Variants in MFSD11 observed in about 807,000 individuals in gnomAD.
The protein encoded by MFSD11 is major facilitator superfamily domain containing 11, also known as UNC93-like protein MFSD11.
A neutral mutation model predicts 53.5 loss-of-function variants in MFSD11; 36 were observed. That is an observed-to-expected ratio of 0.67 (90% CI 0.52 to 0.89). MFSD11 has a LOEUF of 0.89. Ranked by LOEUF, MFSD11 falls within the 40% of genes least tolerant of loss-of-function variation. MFSD11 has a pLI of 0.00. For missense variants in MFSD11, 530 were observed against 543.9 expected (o/e 0.97, Z 0.25); for synonymous variants, 186 against 184.9 (o/e 1.01, Z -0.05).
At chr17:76,770,031 C>CTTTTTTTTTTTTTT (rs367900405) in intron 10 of MFSD11, among the ~76,000 whole-genome samples, 160 bp downstream of exon 10, 1 of 131,086 alleles carries the variant, frequency 7.6e-6, no homozygotes, top group African/African-American at 2.9e-5. Context: ...TATTCTTTTT[C>CTTTTTTTTTTTTTT]TTTTTTTTTT....
At chr17:76,745,189 A>G (rs1057433824) in intron 7 of MFSD11, among the ~76,000 whole-genome samples, 6 of 152,220 alleles carry the variant, frequency 3.9e-5, no homozygotes, top group African/African-American at 1.4e-4. Context: ...AGATTGCCTT[A>G]TAGCATTTTA....
rs56199010 is a variant in MFSD11, at chr17:76,749,718, C to T, written c.642-4329C>T. ...CATCCTGGCCAACATGGTGAAACTC[C>T]GTCTCTACTAAAAATACAAAAATTA... On this transcript the variant is annotated intron_variant, in intron 7 of 12. Transcript: ENST00000685175. Among the ~76,000 whole-genome samples the T allele has an allele frequency of 8.7e-4, 132 of 151,880 alleles. 1 individual carries two copies. Among genetic ancestry groups the T allele is most frequent in the Middle Eastern group, 3.4e-3 (1 of 292 alleles).
At chr17:76,757,604 C>T (rs575018672) in intron 8 of MFSD11, among the ~76,000 whole-genome samples, 13 of 152,180 alleles carry the variant, frequency 8.5e-5, no homozygotes, top group Middle Eastern at 3.2e-3. Context: ...TGAATTTATA[C>T]GTTTAGTGTG....
At chr17:76,759,471 T>C (rs2079981856) in intron 8 of MFSD11, among the ~76,000 whole-genome samples, 1 of 151,764 alleles carries the variant, frequency 6.6e-6, no homozygotes, top group Non-Finnish European at 1.5e-5. Context: ...TTTTCTTTTT[T>C]TGAGATGGAG....
upstream of MFSD11, chr17:76,738,056 T>A: frequency 2.3e-6 from 1 of 428,922 alleles, no homozygotes; most frequent in South Asian, 6.1e-5. Flanking sequence ...ACTTGGCCCT[T>A]TAATCCCCTT....
At chr17:76,758,422 A>T (rs1215834147) in intron 8 of MFSD11, among the ~76,000 whole-genome samples, 1 of 151,954 alleles carries the variant, frequency 6.6e-6, no homozygotes, top group Non-Finnish European at 1.5e-5. Flanking sequence ...CTCTCTACAA[A>T]AGGTACAAAA....
At position 76,744,439 on chromosome 17, in the gene MFSD11, C is replaced by A; in HGVS notation, c.614C>A (p.Ser205Tyr). 6.2e-7 allele frequency: 1 copy of A among 1,613,342 alleles called. No individual in the cohort carries two copies. Among genetic ancestry groups the A allele is most frequent in the Non-Finnish European group, 8.5e-7 (1 of 1,179,774 alleles). Residue 205 changes from serine to tyrosine, a missense_variant, in exon 7 of 13, where the codon TCT becomes TAT. By Grantham distance (144) the Ser-to-Tyr change is moderately radical. Coordinates refer to ENST00000685175, the MANE Select transcript of MFSD11 (RefSeq NM_001242532.5). The part of the protein sequence containing the change: ...SENVLGEDES[S>Y]DDQDMEVNES... ...AATGTCCTAGGAGAAGATGAGTCTT[C>A]TGATGACCAGGACATGGAAGTCAAC...
At chr17:76,737,189 G>C (rs757785320), upstream of MFSD11, 1 of 1,518,674 alleles carries the variant, frequency 6.6e-7, no homozygotes, top group Non-Finnish European at 8.9e-7. Context: ...GGAGCCCCGC[G>C]AACTGGCGCC....
At chr17:76,762,282 T>A (rs917921544) in intron 8 of MFSD11, among the ~76,000 whole-genome samples, 32 of 152,224 alleles carry the variant, frequency 2.1e-4, no homozygotes, top group African/African-American at 7.7e-4. Context: ...CAATATATTA[T>A]AAAATTTGAG....
At chr17:76,802,891 A>G in the MFSD11 span, among the ~76,000 whole-genome samples, 1 of 152,144 alleles carries the variant, frequency 6.6e-6, no homozygotes, top group African/African-American at 2.4e-5. Flanking sequence ...CCCTTTTTCC[A>G]TATTCATTAG....
chr17:76,796,646 ACT>A, the MFSD11 span, among the ~76,000 whole-genome samples: 1 of 151,768 alleles, frequency 6.6e-6, no homozygotes, highest in Admixed American at 6.6e-5. Context: ...CCTGATGCAG[ACT>A]CCAAGAGAGG....
intron 8 of MFSD11, 61 bp from the exon 9 acceptor site, chr17:76,767,315 AAGGAAGTTTT>A: frequency 1.1e-6 from 1 of 903,888 alleles, no homozygotes; most frequent in Non-Finnish European, 1.8e-6. Flanking sequence ...GTTTTGGTTG[AAGGAAGTTTT>A]AGAATGTTTG....
upstream of MFSD11, chr17:76,736,663 G>T: frequency 8.3e-7 from 1 of 1,207,412 alleles, no homozygotes; most frequent in Non-Finnish European, 1.1e-6. Context: ...GGGGTGGCCG[G>T]AGGGTCGCGA....
intron 8 of MFSD11, among the ~76,000 whole-genome samples, chr17:76,757,910 C>G (rs768699945): frequency 6.6e-6 from 1 of 151,946 alleles, no homozygotes; most frequent in Non-Finnish European, 1.5e-5. Flanking sequence ...ATTTGGGAGG[C>G]TGAGGCAGAG....
At chr17:76,787,653 A>G in the MFSD11 span, among the ~76,000 whole-genome samples, 1 of 150,092 alleles carries the variant, frequency 6.7e-6, no homozygotes, top group South Asian at 2.2e-4. Flanking sequence ...TTTGTTATAT[A>G]ATCAGCAGTG....
rs888300903 is a variant in MFSD11, at chr17:76,767,423, C to T, written c.720C>T (p.Leu240=). Residue 240 remains leucine (L), a synonymous_variant, in exon 9 of 13, where the codon CTC becomes CTT. Transcript: ENST00000685175. ...SFKLCVTKEM[L]LLSITTAYTG... ...AGTTATGTGTCACCAAGGAGATGCT[C>T]CTTCTTAGTATTACAACTGCTTATA... is the stretch of plus-strand genomic sequence containing the variant. The T allele has an allele frequency of 2.5e-6, 4 of 1,602,822 alleles. No individual in the cohort carries two copies. The highest frequency in any genetic ancestry group is 3.4e-6 in the Non-Finnish European group (4 of 1,170,762).
Position 76,776,616 on chromosome 17 carries a change from C to T in MFSD11, c.1185+75C>T, listed in dbSNP as rs2081857936. Reference sequence around the variant, plus strand: ...TGTATTGCCTTGTTTTCCTTGGTTACTTGTATTGTGGTTTTAATTTTTATT... The same window carrying T: ...TGTATTGCCTTGTTTTCCTTGGTTATTTGTATTGTGGTTTTAATTTTTATT... On this transcript the variant is annotated intron_variant, in intron 12 of 12. Transcript: ENST00000685175. The surrounding 1 kb of genome is among the most constrained non-coding windows in gnomAD (Gnocchi z 4.2). 7.4e-7 allele frequency: 1 copy of T among 1,358,718 alleles called. No individual in the cohort carries two copies. The highest frequency in any genetic ancestry group is 9.9e-7 in the Non-Finnish European group (1 of 1,009,374). 84.2% of individuals were successfully genotyped at this position (1,358,718 alleles called of 1,614,324 possible).
chr17:76,776,479 A>G lies in MFSD11; in HGVS notation c.1123A>G (p.Ile375Val), dbSNP rs748453450. ...DSCFNTQLLS[I>V]LGFLYSEDSA... ...CTGCTTTAATACCCAGCTGCTTAGT[A>G]TCTTGGGCTTTCTGTATTCTGAAGA... Residue 375 changes from isoleucine to valine, a missense_variant, in exon 12 of 13, where the codon ATC (isoleucine) becomes GTC (valine). Ile to Val is a conservative substitution (Grantham distance 29). Transcript: ENST00000685175. This position sits in a 1 kb window ranked among gnomAD's most constrained non-coding sequence, Gnocchi z 4.2. 1.2e-5 allele frequency: 19 copies of G among 1,613,976 alleles called. No individual in the cohort carries two copies. Among genetic ancestry groups the G allele is most frequent in the Admixed American group, 3.3e-5 (2 of 59,994 alleles).
chr17:76,736,763 C>T, upstream of MFSD11: 1 of 1,402,364 alleles, frequency 7.1e-7, no homozygotes, highest in Non-Finnish European at 9.2e-7. Context: ...CCGCGCGCCC[C>T]GCCCCGCCTC....
Sources: allele counts gnomAD v4.1 joint callset (sites outside exome capture counted in the v4.1 genomes callset), GRCh38; gene constraint gnomAD v4.1.1; non-coding constraint Gnocchi (gnomAD v3.1); transcripts MANE v1.5; gene names NCBI Gene and HGNC (gene_info 2026-07-23, HGNC 2026-07-21).